Variants in BMPR1B observed in about 807,000 individuals in gnomAD.
The protein encoded by BMPR1B is bone morphogenetic protein receptor type 1B, also known as bone morphogenetic protein receptor type-1B.
A neutral mutation model predicts 59.1 loss-of-function variants in BMPR1B; 12 were observed. That is an observed-to-expected ratio of 0.20 (90% CI 0.13 to 0.33). The LOEUF is 0.33. Ranked by LOEUF, BMPR1B falls within the 10% of genes least tolerant of loss-of-function variation. BMPR1B has a pLI of 1.00. For missense variants in BMPR1B, 550 were observed against 610.9 expected, an observed-to-expected ratio of 0.90 and a Z score of 1.05; for synonymous variants, 237 against 207.3, an observed-to-expected ratio of 1.14 and a Z score of -1.23.
chr4:94,796,814 C>G (rs1237308548), intron 1 of BMPR1B, among the ~76,000 whole-genome samples: 1 of 152,064 alleles, frequency 6.6e-6, no homozygotes. Context: ...GAGGCAACAA[C>G]AAAATAAGCT....
At chr4:95,030,802 C>A (rs540890604) in intron 3 of BMPR1B, among the ~76,000 whole-genome samples, 205 of 152,212 alleles carry the variant, frequency 1.3e-3, no homozygotes, top group African/African-American at 4.9e-3. Flanking sequence ...ACTTAAGAAT[C>A]CAACTTAAAA....
At chr4:94,969,381 C>G (rs561022739) in intron 2 of BMPR1B, among the ~76,000 whole-genome samples, 1 of 152,242 alleles carries the variant, frequency 6.6e-6, no homozygotes, top group African/African-American at 2.4e-5. Context: ...CCCATCACTG[C>G]GATCGCAGTC....
intron 3 of BMPR1B, among the ~76,000 whole-genome samples, chr4:95,059,854 G>T (rs1443305138): frequency 6.6e-6 from 1 of 152,182 alleles, no homozygotes; most frequent in Admixed American, 6.5e-5. Context: ...GTTGGCCAAT[G>T]TGTTTTCCTT....
intron 4 of BMPR1B, among the ~76,000 whole-genome samples, chr4:95,105,837 GGA>G (rs1485850518): frequency 3.3e-5 from 5 of 152,112 alleles, no homozygotes; most frequent in African/African-American, 1.2e-4. Flanking sequence ...AAAAGTATCA[GGA>G]GAGTTTAAAA....
At position 95,002,934 on chromosome 4, in the gene BMPR1B, A is replaced by G. The variant is rs142801602; in HGVS notation, c.-18+6800A>G. Among the ~76,000 whole-genome samples the G allele has an allele frequency of 4.2e-3, 645 of 152,060 alleles. 5 individuals carry two copies. Among genetic ancestry groups the G allele is most frequent in the Non-Finnish European group, 6.7e-3 (456 of 67,958 alleles). ...TTTCTGTTATTTATAATTTATTTAT[A>G]TACTTATTCTTTTTTTTCCAGCAGC... is the stretch of plus-strand genomic sequence containing the variant. On this transcript the variant is annotated intron_variant, in intron 3 of 12. Transcript: ENST00000515059.
At chr4:95,135,079 T>A (rs567020457) in intron 10 of BMPR1B, among the ~76,000 whole-genome samples, 1 of 152,360 alleles carries the variant, frequency 6.6e-6, no homozygotes, top group African/African-American at 2.4e-5. Flanking sequence ...TTTCTCCATA[T>A]GGCTAGCCAG....
At chr4:94,980,119 T>G (rs1578876543) in intron 2 of BMPR1B, among the ~76,000 whole-genome samples, 2 of 152,176 alleles carry the variant, frequency 1.3e-5, no homozygotes, top group African/African-American at 4.8e-5. Context: ...AATACCAGAA[T>G]AAGTCATCAC....
chr4:95,072,721 A>G (rs1054379063), intron 3 of BMPR1B, among the ~76,000 whole-genome samples: 2 of 152,184 alleles, frequency 1.3e-5, no homozygotes, highest in African/African-American at 4.8e-5. Context: ...TCCTTTTTAC[A>G]TTTTGTTTAT....
intron 4 of BMPR1B, among the ~76,000 whole-genome samples, chr4:95,111,299 A>G (rs1731617802): frequency 6.6e-6 from 1 of 152,110 alleles, no homozygotes; most frequent in Non-Finnish European, 1.5e-5. Flanking sequence ...GTTAGAGGAA[A>G]AGTTCTACAA....
At chr4:94,764,159 C>T (rs1401655774) in intron 1 of BMPR1B, among the ~76,000 whole-genome samples, 1 of 152,124 alleles carries the variant, frequency 6.6e-6, no homozygotes, top group African/African-American at 2.4e-5. Context: ...TTTTGGTTGC[C>T]ACTCCAGAAC....
intron 2 of BMPR1B, among the ~76,000 whole-genome samples, chr4:94,967,315 G>A (rs3796423): frequency 0.52 from 79,423 of 151,840 alleles, 21,369 homozygotes; most frequent in African/African-American, 0.61. Flanking sequence ...AACCATAGCC[G>A]TTCAGAAAGT....
chr4:94,841,975 T>C (rs6829477), intron 1 of BMPR1B, among the ~76,000 whole-genome samples: 95,395 of 151,614 alleles, frequency 0.63, 31,424 homozygotes, highest in African/African-American at 0.84. Context: ...AATAATAACA[T>C]GGATCCCCAG....
At chr4:94,761,306 C>T (rs993531256) in intron 1 of BMPR1B, among the ~76,000 whole-genome samples, 1 of 152,044 alleles carries the variant, frequency 6.6e-6, no homozygotes, top group Non-Finnish European at 1.5e-5. Context: ...TAAATTATTT[C>T]TATGTGGTAG....
chr4:95,130,205 C>A (rs1011286347), intron 9 of BMPR1B, 151 bp downstream of exon 9: 11 of 922,106 alleles, frequency 1.2e-5, no homozygotes, highest in Non-Finnish European at 1.9e-5. Flanking sequence ...TCATAAGTTT[C>A]TAATGGGAGA....
chr4:94,876,207 C>T (rs1402012914), intron 2 of BMPR1B, among the ~76,000 whole-genome samples: 3 of 152,176 alleles, frequency 2.0e-5, no homozygotes, highest in Non-Finnish European at 4.4e-5. Context: ...TTGGTAATAA[C>T]CTTTTACCAA....
At chr4:95,036,746 T>C (rs144248903) in intron 3 of BMPR1B, among the ~76,000 whole-genome samples, 1 of 151,534 alleles carries the variant, frequency 6.6e-6, no homozygotes, top group East Asian at 1.9e-4. Flanking sequence ...GTAGTGAGAT[T>C]GTTGGATTTT....
At chr4:94,849,520 T>C (rs1266665247) in intron 1 of BMPR1B, among the ~76,000 whole-genome samples, 2 of 152,126 alleles carry the variant, frequency 1.3e-5, no homozygotes, top group Non-Finnish European at 2.9e-5. Flanking sequence ...TTCTTTGTTG[T>C]TGTTTTTGAT....
intron 3 of BMPR1B, among the ~76,000 whole-genome samples, chr4:95,016,397 A>T (rs1347934832): frequency 6.6e-6 from 1 of 152,344 alleles, no homozygotes; most frequent in South Asian, 2.1e-4. Context: ...ATTCATTCAA[A>T]GTAGAAGATA....
chr4:94,829,524 C>A (rs1724499286), intron 1 of BMPR1B, among the ~76,000 whole-genome samples: 1 of 152,080 alleles, frequency 6.6e-6, no homozygotes, highest in South Asian at 2.1e-4. Flanking sequence ...CTCAGCCTCC[C>A]AAGGTGCCAG....
Sources: gnomAD v4.1 joint callset for allele counts (sites outside exome capture counted in the v4.1 genomes callset) on GRCh38, gnomAD v4.1.1 for gene constraint, MANE v1.5 for transcripts, NCBI Gene and HGNC (gene_info 2026-07-23, HGNC 2026-07-21) for gene names.